CELF2: variants seen among roughly 807,000 people sequenced by gnomAD.
CELF2 encodes the protein CUGBP Elav-like family member 2, also known as CUG triplet repeat RNA-binding protein 2.
A neutral mutation model predicts 62.6 loss-of-function variants in CELF2; 8 were observed. That is an observed-to-expected ratio of 0.13 (90% CI 0.07 to 0.23). The LOEUF is 0.23. Among genes scored for constraint, CELF2 ranks in the 10% least tolerant of loss-of-function variants. The probability of loss-of-function intolerance (pLI) is 1.00; values close to 1 mark genes in which losing one functional copy is unlikely to be tolerated. For synonymous variants in CELF2, 258 were observed against 250.0 expected, an observed-to-expected ratio of 1.03 and a Z score of -0.30; for missense variants, 333 against 671.0, an observed-to-expected ratio of 0.50 and a Z score of 5.56.
the CELF2 span, among the ~76,000 whole-genome samples, chr10:10,708,323 G>A: frequency 2.0e-5 from 3 of 152,138 alleles, no homozygotes; most frequent in Non-Finnish European, 2.9e-5. Context: ...GACCCAAGAA[G>A]GTGAATGGCT....
At chr10:10,675,643 G>C in the CELF2 span, among the ~76,000 whole-genome samples, 1 of 150,700 alleles carries the variant, frequency 6.6e-6, no homozygotes, top group African/African-American at 2.4e-5. Flanking sequence ...TGAATATTCT[G>C]TTTTTATCAG....
At chr10:10,685,993 G>A in the CELF2 span, among the ~76,000 whole-genome samples, 1 of 152,114 alleles carries the variant, frequency 6.6e-6, no homozygotes, top group African/African-American at 2.4e-5. Context: ...TGCCCTCCTT[G>A]ATCTTTCACT....
At chr10:11,129,583 A>G (rs965144774) in intron 1 of CELF2, among the ~76,000 whole-genome samples, 3 of 152,200 alleles carry the variant, frequency 2.0e-5, no homozygotes, top group South Asian at 2.1e-4. Context: ...CAGAGATTCA[A>G]CTTCTTCCTG....
the CELF2 span, among the ~76,000 whole-genome samples, chr10:10,747,730 G>A: frequency 1.6e-4 from 25 of 152,220 alleles, no homozygotes; most frequent in African/African-American, 4.3e-4. Flanking sequence ...ATTTTGAGAC[G>A]AAGTCTTGCT....
At chr10:11,115,275 A>G (rs1405490705) in intron 1 of CELF2, among the ~76,000 whole-genome samples, 1 of 152,222 alleles carries the variant, frequency 6.6e-6, no homozygotes, top group African/African-American at 2.4e-5. Flanking sequence ...CTTAAGAGAT[A>G]AAAAGGGATG....
the CELF2 span, among the ~76,000 whole-genome samples, chr10:10,755,200 C>T: frequency 6.6e-6 from 1 of 152,154 alleles, no homozygotes; most frequent in Non-Finnish European, 1.5e-5. Flanking sequence ...AGGTAATTAA[C>T]AGATAATTGA....
chr10:10,900,507 A>T (rs1047419084), intron 1 of CELF2, among the ~76,000 whole-genome samples: 9 of 152,204 alleles, frequency 5.9e-5, no homozygotes, highest in Non-Finnish European at 1.0e-4. Flanking sequence ...AAAACTCTAC[A>T]TTCATTCTTG....
the CELF2 span, among the ~76,000 whole-genome samples, chr10:10,662,042 G>A: frequency 6.6e-6 from 1 of 152,030 alleles, no homozygotes; most frequent in South Asian, 2.1e-4. Context: ...GTTGCGGGGG[G>A]TGGAGGTCAA....
At chr10:10,894,906 C>A (rs1475664910) in intron 1 of CELF2, among the ~76,000 whole-genome samples, 5 of 152,308 alleles carry the variant, frequency 3.3e-5, no homozygotes, top group Non-Finnish European at 1.5e-5. Context: ...CAAATAATTT[C>A]TCTTACATTG....
intron 1 of CELF2, among the ~76,000 whole-genome samples, chr10:10,857,322 A>G (rs1314331509): frequency 6.6e-6 from 1 of 152,032 alleles, no homozygotes; most frequent in Non-Finnish European, 1.5e-5. Context: ...AACCAGATGC[A>G]GTGAAAAGAC....
chr10:10,580,959 G>A, the CELF2 span, among the ~76,000 whole-genome samples: 3 of 152,128 alleles, frequency 2.0e-5, no homozygotes, highest in Admixed American at 6.5e-5. Context: ...TCTCTTTCTT[G>A]TCCATGAAAA....
Position 10,857,649 on chromosome 10 carries a change from G to GTATATATATATATATATA in CELF2, c.53+58848_53+58865dup, listed in dbSNP as rs779543257. ...ATATGTGGTAAACTACATATATATAGTATATATATATATATATATATATAT... is the reference window on the plus strand; with the variant it reads ...ATATGTGGTAAACTACATATATATAGTATATATATATATATATATATATATATATATATATATATATAT... On this transcript the variant is annotated intron_variant, in intron 1 of 13. Transcript: ENST00000636488. 4.2e-3 allele frequency among the ~76,000 whole-genome samples: 396 copies of GTATATATATATATATATA among 94,056 alleles called. 2 individuals carry two copies. The highest frequency in any genetic ancestry group is 7.6e-3 in the African/African-American group (162 of 21,288). The allele number at this position is 94,056 out of a possible 152,430, so 61.7% of individuals were successfully genotyped here. A position where few individuals can be genotyped will look rare whatever the true frequency, so the allele number is the denominator to read the frequency against.
chr10:11,333,889 T>G lies in CELF2; in HGVS notation c.*4836T>G, dbSNP rs1482067737. Reference sequence around the variant, plus strand: ...CCAGTGGAACTTTTTATACTGGAGATTAAAAAAAAAATGGAAATTTTTGTG... The same window carrying G: ...CCAGTGGAACTTTTTATACTGGAGAGTAAAAAAAAAATGGAAATTTTTGTG... On this transcript the variant is annotated 3_prime_UTR_variant, in exon 13 of 13. Transcript: ENST00000633077. 1 of 151,586 alleles carries G rather than the reference T, an allele frequency of 6.6e-6. No individual in the cohort carries two copies. Among genetic ancestry groups the G allele is most frequent in the Non-Finnish European group, 1.5e-5 (1 of 68,012 alleles). The allele number at this position is 151,586 out of a possible 1,614,324, so 9.4% of individuals were successfully genotyped here. A position where few individuals can be genotyped will look rare whatever the true frequency, so the allele number is the denominator to read the frequency against.
intron 2 of CELF2, chr10:10,924,160 T>C (rs1024398468): frequency 6.6e-6 from 1 of 151,516 alleles, no homozygotes; most frequent in African/African-American, 2.4e-5. Flanking sequence ...CGGGCGCCTG[T>C]AGTCCCAGCT....
intron 1 of CELF2, among the ~76,000 whole-genome samples, chr10:11,047,335 T>C (rs569089607): frequency 4.9e-4 from 74 of 152,206 alleles, no homozygotes; most frequent in African/African-American, 1.7e-3. Context: ...ACTAGGAGGG[T>C]GTTCTGTGGA....
chr10:11,312,577 C>T (rs2094620652), intron 9 of CELF2, among the ~76,000 whole-genome samples: 1 of 152,086 alleles, frequency 6.6e-6, no homozygotes, highest in African/African-American at 2.4e-5. Context: ...GTTTTTATGA[C>T]CATATATGAA....
intron 2 of CELF2, among the ~76,000 whole-genome samples, chr10:10,965,995 A>C (rs527790974): frequency 5.3e-5 from 8 of 152,312 alleles, no homozygotes; most frequent in Non-Finnish European, 1.0e-4. Context: ...CTAACACAAA[A>C]TATTTCTAAT....
chr10:11,059,801 A>G (rs2066273849), intron 1 of CELF2, among the ~76,000 whole-genome samples: 1 of 152,180 alleles, frequency 6.6e-6, no homozygotes, highest in Non-Finnish European at 1.5e-5. Flanking sequence ...GACTCCCCCA[A>G]ACTAATTTTG....
At chr10:10,748,487 G>A in the CELF2 span, among the ~76,000 whole-genome samples, 3 of 152,100 alleles carry the variant, frequency 2.0e-5, no homozygotes, top group East Asian at 1.9e-4. Context: ...GGTGGCTCAC[G>A]CCTGTAATCC....
Sources: gnomAD v4.1 joint callset for allele counts (sites outside exome capture counted in the v4.1 genomes callset) on GRCh38, gnomAD v4.1.1 for gene constraint, MANE v1.5 for transcripts, NCBI Gene and HGNC (gene_info 2026-07-23, HGNC 2026-07-21) for gene names.